NOX4: variants seen among roughly 807,000 people sequenced by gnomAD.
The protein encoded by NOX4 is NADPH oxidase 4.
NOX4 carries 69 observed loss-of-function variants against 87.6 expected under a neutral mutation model. That is an observed-to-expected ratio of 0.79 (90% CI 0.65 to 0.96). NOX4 has a LOEUF of 0.96. NOX4 is among the 40% of genes least tolerant of loss of function. NOX4 has a pLI of 0.00. For synonymous variants in NOX4, 275 were observed against 238.2 expected (o/e 1.15, Z -1.42); for missense variants, 680 against 681.5 (o/e 1.00, Z 0.02).
At chr11:89,522,670 T>C in the NOX4 span, among the ~76,000 whole-genome samples, 1 of 152,158 alleles carries the variant, frequency 6.6e-6, no homozygotes, top group Non-Finnish European at 1.5e-5. Flanking sequence ...TAAAATAATT[T>C]GAGAAATATT....
At chr11:89,336,935 T>A (rs1945737702) in intron 16 of NOX4, among the ~76,000 whole-genome samples, 1 of 152,078 alleles carries the variant, frequency 6.6e-6, no homozygotes, top group Admixed American at 6.6e-5. Context: ...AATGTTGTCT[T>A]CAAATATTAG....
chr11:89,499,415 C>G (rs1229146757), upstream of NOX4, among the ~76,000 whole-genome samples: 1 of 152,098 alleles, frequency 6.6e-6, no homozygotes, highest in Non-Finnish European at 1.5e-5. Flanking sequence ...TCAGCATTCA[C>G]CAAATATTCT....
In NOX4 at chr11:89,326,833, T is replaced by C. The variant is rs1277048051; in HGVS notation, c.1660A>G (p.Lys554Glu). ...VFCCGPNSLS[K>E]TLHKLSNQNN... ...TGGTTACTCAGTTTATGAAGAGTCT[T>C]GGATAGTGAATTGGGTCCACAACAG... is the stretch of plus-strand genomic sequence containing the variant. Residue 554 changes from lysine to glutamate, a missense_variant, in exon 18 of 18, where the codon AAG (lysine) becomes GAG (glutamate). By Grantham distance (56) the Lys-to-Glu change is moderately conservative. Transcript: ENST00000263317. 6.2e-7 allele frequency: 1 copy of C among 1,613,322 alleles called. No individual in the cohort carries two copies. Among genetic ancestry groups the C allele is most frequent in the South Asian group, 1.1e-5 (1 of 91,060 alleles).
the NOX4 span, among the ~76,000 whole-genome samples, chr11:89,551,703 T>C: frequency 6.6e-6 from 1 of 152,182 alleles, no homozygotes; most frequent in African/African-American, 2.4e-5. Flanking sequence ...GCTGAGATGA[T>C]GGGGTTTTCT....
chr11:89,372,079 C>T (rs1939488924), intron 12 of NOX4, among the ~76,000 whole-genome samples: 2 of 151,746 alleles, frequency 1.3e-5, no homozygotes, highest in Non-Finnish European at 3.0e-5. Context: ...TATCCAACAT[C>T]TTATCCTTCC....
the NOX4 span, among the ~76,000 whole-genome samples, chr11:89,574,376 T>C: frequency 2.6e-5 from 4 of 152,316 alleles, no homozygotes; most frequent in Non-Finnish European, 5.9e-5. Flanking sequence ...GGATACCTAT[T>C]CTGGGCTGCC....
At position 89,347,482 on chromosome 11, in the gene NOX4, A is replaced by G. The variant is rs144350351; in HGVS notation, c.1218-5289T>C. ...TATTTAAATATCACAAAGACTTACA[A>G]GAAAGAATTGTGTCATGCATTGGGC... On this transcript the variant is annotated intron_variant, in intron 13 of 17. Coordinates refer to ENST00000263317, the MANE Select transcript of NOX4 (RefSeq NM_016931.5). Among the ~76,000 whole-genome samples, 303 of 152,346 alleles carry G rather than the reference A, an allele frequency of 2.0e-3. 3 individuals carry two copies. In the East Asian group the frequency reaches 0.025, roughly 12 times the overall value.
chr11:89,539,445 A>G, the NOX4 span, among the ~76,000 whole-genome samples: 1 of 152,102 alleles, frequency 6.6e-6, no homozygotes, highest in Non-Finnish European at 1.5e-5. Context: ...AAAAAAATTA[A>G]TATAATAAAT....
intron 11 of NOX4, among the ~76,000 whole-genome samples, chr11:89,374,532 A>G (rs1010625188): frequency 1.3e-5 from 2 of 152,220 alleles, no homozygotes; most frequent in African/African-American, 4.8e-5. Flanking sequence ...AAAATCTACA[A>G]TAACTTTACA....
chr11:89,582,587 C>A, the NOX4 span, among the ~76,000 whole-genome samples: 1 of 152,062 alleles, frequency 6.6e-6, no homozygotes, highest in East Asian at 1.9e-4. Flanking sequence ...ATATACTAGA[C>A]CTGGTAACTG....
chr11:89,551,290 T>A, the NOX4 span, among the ~76,000 whole-genome samples: 1 of 152,216 alleles, frequency 6.6e-6, no homozygotes, highest in Admixed American at 6.5e-5. Context: ...ATGGGCTCTT[T>A]TTTGATTCCA....
chr11:89,489,530 C>A (rs1946763899), intron 2 of NOX4, among the ~76,000 whole-genome samples: 1 of 151,898 alleles, frequency 6.6e-6, no homozygotes, highest in African/African-American at 2.4e-5. Context: ...GAGTTCTAGA[C>A]CAGCCTGACC....
chr11:89,545,929 T>C, the NOX4 span, among the ~76,000 whole-genome samples: 1 of 152,192 alleles, frequency 6.6e-6, no homozygotes, highest in Admixed American at 6.5e-5. Context: ...GCCTGCATTG[T>C]ATGACTTATG....
chr11:89,450,928 C>G (rs1944928487), intron 3 of NOX4, among the ~76,000 whole-genome samples: 1 of 151,516 alleles, frequency 6.6e-6, no homozygotes, highest in Non-Finnish European at 1.5e-5. Flanking sequence ...ATGGATGAAG[C>G]TGGAAACCAT....
At chr11:89,562,425 C>G in the NOX4 span, among the ~76,000 whole-genome samples, 3 of 152,060 alleles carry the variant, frequency 2.0e-5, no homozygotes, top group South Asian at 2.1e-4. Context: ...CTTCTCCTCC[C>G]CGCCCCTTTT....
intron 7 of NOX4, among the ~76,000 whole-genome samples, chr11:89,424,190 T>C (rs1163404306): frequency 1.3e-5 from 2 of 151,980 alleles, no homozygotes; most frequent in Admixed American, 6.6e-5. Flanking sequence ...AGATATTATA[T>C]GTTTTGCTGC....
rs558268515 is a variant in NOX4, at chr11:89,460,363, A to C, written c.154-8468T>G. On this transcript the variant is annotated intron_variant, in intron 2 of 17. Coordinates refer to ENST00000263317, the MANE Select transcript of NOX4 (RefSeq NM_016931.5). ...GCACAGCAAAAGAAACTACCATCAGAGTGAACAGGCAACCTACGGAATGGG... is the reference window on the plus strand; with the variant it reads ...GCACAGCAAAAGAAACTACCATCAGCGTGAACAGGCAACCTACGGAATGGG... Among the ~76,000 whole-genome samples, 7 of 152,322 alleles carry C rather than the reference A, an allele frequency of 4.6e-5. No individual in the cohort carries two copies. In the East Asian group the frequency reaches 1.4e-3, roughly 29 times the overall value.
intron 8 of NOX4, among the ~76,000 whole-genome samples, chr11:89,411,933 C>T (rs1321703478): frequency 6.6e-6 from 1 of 151,982 alleles, no homozygotes; most frequent in Non-Finnish European, 1.5e-5. Context: ...ACACACTTCA[C>T]CTATGAAGAT....
the NOX4 span, among the ~76,000 whole-genome samples, chr11:89,559,156 C>A: frequency 1.3e-5 from 2 of 151,602 alleles, no homozygotes; most frequent in Admixed American, 1.3e-4. Flanking sequence ...TAGAAATAAG[C>A]AGAAATAAAA....
Sources: allele counts gnomAD v4.1 joint callset (sites outside exome capture counted in the v4.1 genomes callset), GRCh38; gene constraint gnomAD v4.1.1; transcripts MANE v1.5; gene names NCBI Gene and HGNC (gene_info 2026-07-23, HGNC 2026-07-21).